PPTC7: variants seen among roughly 807,000 people sequenced by gnomAD.
PPTC7 encodes the protein protein phosphatase targeting COQ7.
A neutral mutation model predicts 30.8 loss-of-function variants in PPTC7; 6 were observed. That is an observed-to-expected ratio of 0.19 (90% confidence interval 0.11 to 0.38). PPTC7 has a LOEUF of 0.38. PPTC7 is among the 10% of genes least tolerant of loss of function. PPTC7 has a pLI of 1.00. For missense variants in PPTC7, 218 were observed against 404.8 expected (o/e 0.54, Z 3.96); for synonymous variants, 163 against 168.1 (o/e 0.97, Z 0.23).
chr12:110,549,049 G>A (rs2064332561), intron 2 of PPTC7, among the ~76,000 whole-genome samples: 1 of 152,154 alleles, frequency 6.6e-6, no homozygotes, highest in African/African-American at 2.4e-5. Flanking sequence ...CATATAGACA[G>A]GAACCCAGGC....
In PPTC7 at chr12:110,539,905, C is replaced by T; in HGVS notation, c.643G>A (p.Gly215Arg). ...TCTGTTGCCGTCAGGATAATGTCTC[C>T]TAGCTGGACATCGAAAGACGTGCTA... ...ADSTSFDVQL[G>R]DIILTATDGL... Residue 215 changes from glycine (G) to arginine (R), a missense_variant, in exon 4 of 6, where the codon GGA (glycine) becomes AGA (arginine). Physicochemically the swap from Gly to Arg is moderately radical, Grantham distance 125 (BLOSUM62 -2). Transcript: ENST00000354300. 1.2e-6 allele frequency: 2 copies of T among 1,614,096 alleles called. No individual in the cohort carries two copies. Among genetic ancestry groups the T allele is most frequent in the Non-Finnish European group, 8.5e-7 (1 of 1,179,980 alleles).
chr12:110,578,650 A>G (rs2135798828), intron 1 of PPTC7, among the ~76,000 whole-genome samples: 1 of 152,360 alleles, frequency 6.6e-6, no homozygotes, highest in East Asian at 1.9e-4. Flanking sequence ...GGAGTCCTAG[A>G]TGACCACAGT....
intron 1 of PPTC7, among the ~76,000 whole-genome samples, chr12:110,565,638 CCA>C (rs2064477514): frequency 6.6e-6 from 1 of 152,170 alleles, no homozygotes; most frequent in African/African-American, 2.4e-5. Context: ...CAGGTAAAAA[CCA>C]CATTCTATAC....
chr12:110,536,956 TGTG>T lies in PPTC7; in HGVS notation c.*78_*80del. The T allele has an allele frequency of 9.7e-7, 1 of 1,030,000 alleles. No individual in the cohort carries two copies. Among genetic ancestry groups the T allele is most frequent in the Non-Finnish European group, 1.5e-6 (1 of 657,238 alleles). The allele number at this position is 1,030,000 out of a possible 1,614,324, so 63.8% of individuals were successfully genotyped here. A position where few individuals can be genotyped will look rare whatever the true frequency, so the allele number is the denominator to read the frequency against. ...GCCATTGAGATCAGTGGCAAAGAAA[TGTG>T]GTCCTGCCAGCAGGATCAGCACACA... On this transcript the variant is annotated 3_prime_UTR_variant, in exon 6 of 6. Coordinates refer to ENST00000354300, the MANE Select transcript of PPTC7 (RefSeq NM_139283.2).
chr12:110,583,073 C>G lies in PPTC7; in HGVS notation c.-42G>C, dbSNP rs2064654240. On this transcript the variant is annotated 5_prime_UTR_variant, in exon 1 of 6. Transcript: ENST00000354300. ...CCGAGGAGGCGGGGGGCCGGGGGAG[C>G]AGGAGGACGCGGAGGCCCGGAGCCG... The G allele has an allele frequency of 1.7e-5, 23 of 1,340,328 alleles. No individual in the cohort carries two copies. Among genetic ancestry groups the G allele is most frequent in the Non-Finnish European group, 2.2e-5 (23 of 1,052,164 alleles). The allele number at this position is 1,340,328 out of a possible 1,614,324, so 83.0% of individuals were successfully genotyped here.
intron 1 of PPTC7, among the ~76,000 whole-genome samples, chr12:110,560,607 C>T (rs1185430333): frequency 1.3e-5 from 2 of 152,118 alleles, no homozygotes; most frequent in Non-Finnish European, 2.9e-5. Context: ...TTATTTTAAA[C>T]CCCTCCTACT....
intron 3 of PPTC7, among the ~76,000 whole-genome samples, chr12:110,540,316 C>CCT (rs2064248800): frequency 3.0e-5 from 4 of 132,470 alleles, no homozygotes; most frequent in Admixed American, 8.4e-5. Flanking sequence ...TCCATCCCCC[C>CCT]CCGCCTTTTT....
intron 1 of PPTC7, among the ~76,000 whole-genome samples, chr12:110,574,218 C>T (rs943307504): frequency 1.3e-5 from 2 of 149,258 alleles, no homozygotes; most frequent in African/African-American, 5.0e-5. Context: ...GGTTCAAGTC[C>T]CAATATAATA....
At chr12:110,551,378 T>C (rs1333607426) in intron 2 of PPTC7, among the ~76,000 whole-genome samples, 2 of 152,180 alleles carry the variant, frequency 1.3e-5, no homozygotes, top group Admixed American at 6.5e-5. Context: ...GGAGTTTCAC[T>C]CTTGTGGCCC....
At chr12:110,538,632 G>C (rs1172725520) in intron 4 of PPTC7, among the ~76,000 whole-genome samples, 1 of 152,188 alleles carries the variant, frequency 6.6e-6, no homozygotes, top group African/African-American at 2.4e-5. Context: ...ACCCCAGTTT[G>C]CTCTCCAAGA....
chr12:110,572,525 C>T (rs2064546031), intron 1 of PPTC7, among the ~76,000 whole-genome samples: 3 of 152,188 alleles, frequency 2.0e-5, no homozygotes, highest in African/African-American at 7.2e-5. Context: ...TCAAAATACT[C>T]TGTTAATGAA....
intron 1 of PPTC7, among the ~76,000 whole-genome samples, chr12:110,574,432 T>A (rs2064569861): frequency 6.6e-6 from 1 of 151,944 alleles, no homozygotes; most frequent in African/African-American, 2.4e-5. Flanking sequence ...AACAACTGGC[T>A]TAGAAAAAAA....
chr12:110,562,286 C>CAAAAAAAAA (rs11319526), intron 1 of PPTC7, among the ~76,000 whole-genome samples: 7 of 34,726 alleles, frequency 2.0e-4, no homozygotes, highest in African/African-American at 2.5e-4. Flanking sequence ...GACTCCATCT[C>CAAAAAAAAA]AAAAAAAAAA....
intron 1 of PPTC7, among the ~76,000 whole-genome samples, chr12:110,554,643 T>G (rs1354703538): frequency 6.6e-5 from 10 of 152,192 alleles, no homozygotes; most frequent in African/African-American, 7.2e-5. Flanking sequence ...AGGAAATTAG[T>G]GTTTATGAAA....
intron 1 of PPTC7, among the ~76,000 whole-genome samples, chr12:110,563,808 T>C (rs979755326): frequency 1.9e-4 from 29 of 152,248 alleles, no homozygotes; most frequent in African/African-American, 6.8e-4. Context: ...CTTACACCTA[T>C]GTCTAGAATA....
chr12:110,579,282 C>T (rs1217714505), intron 1 of PPTC7, among the ~76,000 whole-genome samples: 4 of 152,194 alleles, frequency 2.6e-5, no homozygotes, highest in South Asian at 2.1e-4. Flanking sequence ...CCAAGACTGC[C>T]GTCCGGAAGA....
chr12:110,566,018 A>C (rs898315268), intron 1 of PPTC7, among the ~76,000 whole-genome samples: 2 of 152,200 alleles, frequency 1.3e-5, no homozygotes, highest in Non-Finnish European at 2.9e-5. Context: ...ATTCTGACTT[A>C]CATGAATAAA....
At chr12:110,539,992 G>A in intron 3 of PPTC7, 47 bp from the exon 4 acceptor site, 1 of 1,582,640 alleles carries the variant, frequency 6.3e-7, no homozygotes. Flanking sequence ...GCCCTTTACA[G>A]ATGAGTTGAA....
chr12:110,582,704 G>A, intron 1 of PPTC7, 105 bp downstream of exon 1: 1 of 987,602 alleles, frequency 1.0e-6, no homozygotes, highest in Non-Finnish European at 1.5e-6. Flanking sequence ...CCATGTGAGC[G>A]CTCTGGCTCC....
Sources: allele counts gnomAD v4.1 joint callset (sites outside exome capture counted in the v4.1 genomes callset), GRCh38; gene constraint gnomAD v4.1.1; transcripts MANE v1.5; gene names NCBI Gene and HGNC (gene_info 2026-07-23, HGNC 2026-07-21).